LAMC1: variants seen among roughly 807,000 people sequenced by gnomAD.
LAMC1 encodes laminin subunit gamma-1.
A neutral mutation model predicts 173.6 loss-of-function variants in LAMC1; 38 were observed. The ratio of observed to expected loss-of-function variants is 0.22; its 90% CI spans 0.17 to 0.29. The LOEUF is 0.29. LAMC1 is among the 10% of genes least tolerant of loss of function. The pLI, the probability that LAMC1 is intolerant of heterozygous loss-of-function variation, is 1.00. For synonymous variants in LAMC1, 746 were observed against 749.1 expected (o/e 1.00, Z 0.07); for missense variants, 1,824 against 2,051.8 (o/e 0.89, Z 2.14).
chr1:183,138,388 G>T (rs1391116316), intron 26 of LAMC1: 1 of 159,786 alleles, frequency 6.3e-6, no homozygotes, highest in African/African-American at 2.4e-5. Flanking sequence ...CCATTTTTCT[G>T]TTCTATGCTA....
intron 8 of LAMC1, 79 bp downstream of exon 8, chr1:183,116,982 T>C: frequency 7.2e-7 from 1 of 1,392,612 alleles, no homozygotes; most frequent in Non-Finnish European, 9.9e-7. Flanking sequence ...AATCAGTGAC[T>C]CTTTGAGGGC....
rs1283279166 is a variant in LAMC1, at chr1:183,142,524, G to T, written c.4574-10G>T. 2 of 1,600,268 alleles carry T rather than the reference G, an allele frequency of 1.2e-6. No homozygotes were observed. The highest frequency in any genetic ancestry group is 1.3e-5 in the African/African-American group (1 of 74,450). On this transcript the variant is annotated splice_polypyrimidine_tract_variant and intron_variant, in intron 27 of 27. Transcript: ENST00000258341. Reference sequence around the variant, plus strand: ...GTCTGTTCTCTTCTATGTACTTTCTGACCCTCCAGGGCAGCTGGATACAGT... The same window carrying T: ...GTCTGTTCTCTTCTATGTACTTTCTTACCCTCCAGGGCAGCTGGATACAGT...
At chr1:183,136,762 C>CATTG (rs10665057) in intron 25 of LAMC1, among the ~76,000 whole-genome samples, 177 bp downstream of exon 25, 80,083 of 150,976 alleles carry the variant, frequency 0.53, 21,701 homozygotes, top group South Asian at 0.65. Context: ...TAGGTATCCA[C>CATTG]ATTGAGGAGG....
At chr1:183,093,422 A>G (rs1423053179) in intron 1 of LAMC1, among the ~76,000 whole-genome samples, 1 of 152,116 alleles carries the variant, frequency 6.6e-6, no homozygotes, top group East Asian at 1.9e-4. Context: ...CTCTTTTGGT[A>G]TTCTTTCTAC....
At chr1:183,037,902 A>T (rs796208041) in intron 1 of LAMC1, among the ~76,000 whole-genome samples, 8 of 151,340 alleles carry the variant, frequency 5.3e-5, no homozygotes, top group South Asian at 2.1e-4. Flanking sequence ...TCCCCTTTTT[A>T]AAAAAAGTCA....
At chr1:183,135,644 G>A (rs772342883) in intron 24 of LAMC1, among the ~76,000 whole-genome samples, 3 of 152,036 alleles carry the variant, frequency 2.0e-5, no homozygotes, top group Admixed American at 6.6e-5. Context: ...CAACACTTCG[G>A]GAGGAAGGAT....
intron 18 of LAMC1, 102 bp from the exon 19 acceptor site, chr1:183,130,242 C>A: frequency 3.0e-6 from 3 of 1,012,106 alleles, no homozygotes; most frequent in African/African-American, 1.6e-5. Context: ...CAGAAAGTTG[C>A]GATGTTTAGA....
At position 183,143,199 on chromosome 1, in the gene LAMC1, A is replaced by G. The variant is rs1657164249; in HGVS notation, c.*409A>G. On this transcript the variant is annotated 3_prime_UTR_variant, in exon 28 of 28. Transcript: ENST00000258341. Reference sequence around the variant, plus strand: ...CAGTACTCTTGTTTCTATGAAGGAAAAGTTTGGCTACTAACAGTAGCATTG... The same window carrying G: ...CAGTACTCTTGTTTCTATGAAGGAAGAGTTTGGCTACTAACAGTAGCATTG... 2 of 164,658 alleles carry G rather than the reference A, an allele frequency of 1.2e-5. No individual in the cohort carries two copies. Among genetic ancestry groups the G allele is most frequent in the South Asian group, 1.6e-4 (1 of 6,150 alleles). The allele number at this position is 164,658 out of a possible 1,614,324, so 10.2% of individuals were successfully genotyped here.
At chr1:183,118,011 T>C (rs780937835) in intron 10 of LAMC1, 23 bp from the exon 11 acceptor site, 5 of 1,383,968 alleles carry the variant, frequency 3.6e-6, no homozygotes, top group African/African-American at 1.4e-5. Flanking sequence ...CAGAGGTTAA[T>C]GTGGCCCTTT....
intron 1 of LAMC1, among the ~76,000 whole-genome samples, chr1:183,072,505 G>C (rs1655034433): frequency 6.6e-6 from 1 of 152,186 alleles, no homozygotes; most frequent in Non-Finnish European, 1.5e-5. Context: ...TTGAAGCTGG[G>C]AAATGGTGGA....
chr1:183,093,892 C>T (rs1012376573), intron 1 of LAMC1, among the ~76,000 whole-genome samples: 1 of 152,134 alleles, frequency 6.6e-6, no homozygotes, highest in African/African-American at 2.4e-5. Flanking sequence ...TTGCAAAACT[C>T]ATCTAACTCA....
At chr1:183,077,958 AC>A (rs552530498) in intron 1 of LAMC1, among the ~76,000 whole-genome samples, 91 of 151,374 alleles carry the variant, frequency 6.0e-4, no homozygotes, top group African/African-American at 2.2e-3. Context: ...AATTTATTCA[AC>A]CCTGACATTA....
At chr1:183,136,122 G>T (rs1002367649) in intron 24 of LAMC1, among the ~76,000 whole-genome samples, 6 of 152,200 alleles carry the variant, frequency 3.9e-5, no homozygotes, top group Non-Finnish European at 8.8e-5. Context: ...TGAGGTAGTG[G>T]TAATGGGATG....
At position 183,142,579 on chromosome 1, in the gene LAMC1, G is replaced by A. The variant is rs1180569960; in HGVS notation, c.4619G>A (p.Gly1540Asp). ...VDLNKLNEIE[G>D]TLNKAKDEMK... is the part of the protein sequence containing the mutation. The stretch of plus-strand genomic sequence containing the variant: ...CTGAATAAGCTAAACGAGATTGAAG[G>A]CACCCTAAACAAAGCCAAAGATGAA... The change falls in exon 28 of 28, where the codon GGC becomes GAC. Residue 1540 changes from glycine to aspartate, a missense_variant. Coordinates refer to ENST00000258341, the MANE Select transcript of LAMC1 (RefSeq NM_002293.4). 20 of 1,613,816 alleles carry A rather than the reference G, an allele frequency of 1.2e-5. No homozygotes were observed. The highest frequency in any genetic ancestry group is 1.7e-5 in the Admixed American group (1 of 59,978).
At chr1:183,053,914 C>T (rs1269818148) in intron 1 of LAMC1, among the ~76,000 whole-genome samples, 1 of 152,210 alleles carries the variant, frequency 6.6e-6, no homozygotes, top group Admixed American at 6.5e-5. Context: ...GTGTGAGCCA[C>T]TGCTCCTGGC....
chr1:183,059,947 G>A (rs1167739100), intron 1 of LAMC1, among the ~76,000 whole-genome samples: 1 of 152,200 alleles, frequency 6.6e-6, no homozygotes, highest in African/African-American at 2.4e-5. Flanking sequence ...CTGGCACTGT[G>A]TAGGGGACAT....
chr1:183,088,186 G>T (rs1383535127), intron 1 of LAMC1, among the ~76,000 whole-genome samples: 1 of 152,174 alleles, frequency 6.6e-6, no homozygotes. Context: ...TTAAAATATG[G>T]AAGAAAGCCT....
intron 1 of LAMC1, among the ~76,000 whole-genome samples, chr1:183,062,920 T>C (rs1160012400): frequency 6.6e-6 from 1 of 152,100 alleles, no homozygotes; most frequent in East Asian, 1.9e-4. Context: ...ACCACTGCAC[T>C]CCAGCCTGGG....
chr1:183,037,931 A>G (rs1384301353), intron 1 of LAMC1, among the ~76,000 whole-genome samples: 13 of 152,118 alleles, frequency 8.5e-5, no homozygotes, highest in Non-Finnish European at 1.2e-4. Context: ...ATTATAGTAG[A>G]ACTTCACAGG....
Sources: allele counts gnomAD v4.1 joint callset (sites outside exome capture counted in the v4.1 genomes callset), GRCh38; gene constraint gnomAD v4.1.1; transcripts MANE v1.5; gene names NCBI Gene and HGNC (gene_info 2026-07-23, HGNC 2026-07-21).